The following PTGR1 variants were observed in gnomAD, a reference collection of about 807,000 sequenced individuals.
PTGR1 encodes the protein 15-oxoprostaglandin 13-reductase.
In PTGR1, 23 loss-of-function variants were observed where a neutral mutation model predicts 37.7. The ratio of observed to expected loss-of-function variants is 0.61; its 90% CI spans 0.44 to 0.86. PTGR1 has a LOEUF of 0.86. PTGR1 is among the 40% of genes least tolerant of loss of function. The pLI is 0.00. For synonymous variants in PTGR1, 134 were observed against 140.0 expected, an observed-to-expected ratio of 0.96 and a Z score of 0.30; for missense variants, 351 against 394.3, an observed-to-expected ratio of 0.89 and a Z score of 0.93.
chr9:111,568,692 G>A (rs1027630807), intron 9 of PTGR1, among the ~76,000 whole-genome samples: 2 of 152,156 alleles, frequency 1.3e-5, no homozygotes, highest in African/African-American at 4.8e-5. Context: ...CGGTCCTACT[G>A]ATATGTGGTG....
chr9:111,593,845 C>A (rs1435077905), intron 3 of PTGR1, among the ~76,000 whole-genome samples: 1 of 152,008 alleles, frequency 6.6e-6, no homozygotes, highest in Non-Finnish European at 1.5e-5. Context: ...GCCACCAGGC[C>A]TGGCTACTTT....
intron 8 of PTGR1, among the ~76,000 whole-genome samples, chr9:111,573,573 C>T (rs1828925049): frequency 6.6e-6 from 1 of 152,080 alleles, no homozygotes; most frequent in Non-Finnish European, 1.5e-5. Context: ...CTCGTACTTT[C>T]TCCTTTTTTG....
chr9:111,558,222 T>C (rs1455025136), downstream of PTGR1, among the ~76,000 whole-genome samples: 1 of 152,240 alleles, frequency 6.6e-6, no homozygotes, highest in African/African-American at 2.4e-5. Flanking sequence ...CAGTACGGAC[T>C]CATGGTTTCC....
At chr9:111,588,076 C>T (rs1172647176) in intron 4 of PTGR1, among the ~76,000 whole-genome samples, 2 of 146,842 alleles carry the variant, frequency 1.4e-5, no homozygotes, top group African/African-American at 2.5e-5. Context: ...TGTAGTGGTG[C>T]GATCATGGCT....
Position 111,586,095 on chromosome 9 carries a change from G to A in PTGR1, c.280C>T (p.His94Tyr), listed in dbSNP as rs763179462. The change falls in exon 5 of 10, where the codon CAC becomes TAC. Residue 94 changes from histidine to tyrosine, a missense_variant. His to Tyr is a moderately conservative substitution (Grantham distance 83). Coordinates refer to ENST00000407693, the MANE Select transcript of PTGR1 (RefSeq NM_001146108.2). ...AGATCTTTCCCATCAGAAATGGAGT[G>A]CGTTGTCCAGCCTGGAGAAGCCAGT... Reference protein sequence around the residue: ...IVLASPGWTTHSISDGKDLEK... With the variant: ...IVLASPGWTTYSISDGKDLEK... The A allele has an allele frequency of 4.3e-6, 7 of 1,614,194 alleles. No homozygotes were observed. The highest frequency in any genetic ancestry group is 3.4e-6 in the Non-Finnish European group (4 of 1,180,022).
chr9:111,555,484 A>T (rs983978088), intron 9 of PTGR1, among the ~76,000 whole-genome samples: 1 of 152,132 alleles, frequency 6.6e-6, no homozygotes, highest in African/African-American at 2.4e-5. Context: ...CAATATGTGT[A>T]TTAGTCTGTT....
chr9:111,577,246 C>A (rs1483011443), intron 7 of PTGR1: 1 of 152,072 alleles, frequency 6.6e-6, no homozygotes, highest in African/African-American at 2.4e-5. Context: ...AAGTCAAACT[C>A]AAATCAGAAT....
intron 6 of PTGR1, among the ~76,000 whole-genome samples, chr9:111,579,716 C>A (rs1829215861): frequency 1.3e-5 from 2 of 152,292 alleles, no homozygotes; most frequent in South Asian, 4.1e-4. Flanking sequence ...CCTCAGCCTT[C>A]TAAAGTGCTC....
At chr9:111,589,628 A>G (rs1048677686) in intron 4 of PTGR1, among the ~76,000 whole-genome samples, 2 of 150,430 alleles carry the variant, frequency 1.3e-5, no homozygotes, top group Non-Finnish European at 3.0e-5. Context: ...TATAAAATAC[A>G]GAAAACATGA....
At chr9:111,595,090 A>G (rs1829739054) in intron 2 of PTGR1, among the ~76,000 whole-genome samples, 2 of 151,632 alleles carry the variant, frequency 1.3e-5, no homozygotes, top group South Asian at 4.2e-4. Context: ...TCTAACCTCA[A>G]GAGATCTGCC....
intron 1 of PTGR1, among the ~76,000 whole-genome samples, 180 bp from the exon 2 acceptor site, chr9:111,597,612 C>T (rs1434500778): frequency 6.6e-6 from 1 of 152,216 alleles, no homozygotes; most frequent in Non-Finnish European, 1.5e-5. Context: ...CTAAGCACTT[C>T]ATATAGATTA....
At chr9:111,595,060 G>A (rs1490964321) in intron 2 of PTGR1, among the ~76,000 whole-genome samples, 3 of 151,738 alleles carry the variant, frequency 2.0e-5, no homozygotes, top group Non-Finnish European at 4.4e-5. Flanking sequence ...TCACCATGTT[G>A]GCCAGGCTGG....
chr9:111,595,140 C>G (rs1829740451), intron 2 of PTGR1, among the ~76,000 whole-genome samples: 2 of 152,088 alleles, frequency 1.3e-5, no homozygotes, highest in Non-Finnish European at 2.9e-5. Flanking sequence ...CAGGCATGAG[C>G]CACCATGCCC....
chr9:111,573,444 C>G (rs914055260), intron 8 of PTGR1, among the ~76,000 whole-genome samples: 27 of 152,288 alleles, frequency 1.8e-4, no homozygotes, highest in African/African-American at 6.0e-4. Flanking sequence ...TGGTGGTTAA[C>G]CAGTGGGGCT....
chr9:111,576,530 C>A, intron 7 of PTGR1: 1 of 1,399,098 alleles, frequency 7.1e-7, no homozygotes, highest in Non-Finnish European at 9.8e-7. Flanking sequence ...AGTATGAATC[C>A]CAACTCTGGG....
chr9:111,579,958 A>AG (rs1480120076), intron 6 of PTGR1, among the ~76,000 whole-genome samples: 1 of 152,184 alleles, frequency 6.6e-6, no homozygotes, highest in Non-Finnish European at 1.5e-5. Flanking sequence ...TTTTCAATCG[A>AG]GGAAAAACCC....
intron 9 of PTGR1, among the ~76,000 whole-genome samples, chr9:111,551,670 G>A (rs1310953838): frequency 2.0e-5 from 3 of 151,994 alleles, no homozygotes; most frequent in African/African-American, 4.8e-5. Context: ...CCAAAGTGCC[G>A]GGATTACAGG....
intron 2 of PTGR1, 45 bp downstream of exon 2, chr9:111,597,272 T>C (rs1039251057): frequency 7.0e-7 from 1 of 1,422,248 alleles, no homozygotes. Context: ...AAAAGCTAAC[T>C]GATACAGTCC....
intron 6 of PTGR1, among the ~76,000 whole-genome samples, chr9:111,582,825 A>C (rs112515907): frequency 0.01 from 1,538 of 152,218 alleles, 39 homozygotes; most frequent in African/African-American, 0.035. Flanking sequence ...GTCCCCTAGG[A>C]CCTAGGTCCT....
Sources: allele counts gnomAD v4.1 joint callset (sites outside exome capture counted in the v4.1 genomes callset), GRCh38; gene constraint gnomAD v4.1.1; transcripts MANE v1.5; gene names NCBI Gene and HGNC (gene_info 2026-07-23, HGNC 2026-07-21).